CFAP47: variants seen among roughly 807,000 people sequenced by gnomAD.
CFAP47 encodes the protein cilia and flagella associated protein 47.
CFAP47 carries 29 observed loss-of-function variants against 148.1 expected under a neutral mutation model. The observed-to-expected ratio is 0.20, with a 90% CI of 0.15 to 0.27. CFAP47 has a LOEUF of 0.27. CFAP47 is among the 10% of genes least tolerant of loss of function. The pLI, the probability that CFAP47 is intolerant of heterozygous loss-of-function variation, is 1.00. For missense variants in CFAP47, 1,872 were observed against 1,697.5 expected (o/e 1.10, Z -1.81); for synonymous variants, 664 against 577.3 (o/e 1.15, Z -2.15).
rs760877429 is a variant in CFAP47, at chrX:35,951,182, G to A, written c.708G>A (p.Val236=). The A allele has an allele frequency of 4.0e-5, 48 of 1,209,399 alleles. No homozygotes were observed. Among genetic ancestry groups the A allele is most frequent in the Non-Finnish European group, 5.3e-5 (47 of 894,675 alleles). The change falls in exon 5 of 64, where the codon GTG becomes GTA. Residue 236 remains valine, a synonymous_variant. Transcript: ENST00000378653. ...PEMLLSIKAH[V]VEQIIELLSM... The stretch of plus-strand genomic sequence containing the variant: ...TGCTCTTGAGTATCAAAGCTCATGT[G>A]GTTGAGCAGATTATTGAATTATTAA...
At chrX:36,261,905 G>T (rs1031132361) in intron 49 of CFAP47, among the ~76,000 whole-genome samples, 7 of 111,317 alleles carry the variant, frequency 6.3e-5, no homozygotes, top group African/African-American at 2.3e-4. Flanking sequence ...GGGCGGCCGG[G>T]CAGAGGCGCC....
intron 51 of CFAP47, among the ~76,000 whole-genome samples, chrX:36,290,214 T>C (rs1320424627): frequency 4.5e-5 from 5 of 112,141 alleles, no homozygotes; most frequent in African/African-American, 6.5e-5. Context: ...ATAAGAATTT[T>C]CAACAAACAA....
At chrX:36,295,037 G>T (rs1941229111) in intron 51 of CFAP47, among the ~76,000 whole-genome samples, 1 of 111,797 alleles carries the variant, frequency 8.9e-6, no homozygotes, top group African/African-American at 3.2e-5. Context: ...TCTGAGAAAT[G>T]GAAGCAATTT....
intron 48 of CFAP47, among the ~76,000 whole-genome samples, chrX:36,250,243 G>A (rs1940674805): frequency 9.0e-6 from 1 of 111,396 alleles, no homozygotes; most frequent in African/African-American, 3.2e-5. Flanking sequence ...AAAACAGAAG[G>A]AAATCCTGTC....
At chrX:35,946,963 AACC>A (rs1936093089) in intron 3 of CFAP47, among the ~76,000 whole-genome samples, 1 of 111,763 alleles carries the variant, frequency 8.9e-6, no homozygotes, top group Non-Finnish European at 1.9e-5. Context: ...ATAAATTATG[AACC>A]ATTTCTGCTT....
chrX:35,950,540 T>TTTG (rs756446141), intron 4 of CFAP47, among the ~76,000 whole-genome samples: 1 of 110,267 alleles, frequency 9.1e-6, no homozygotes, highest in African/African-American at 3.3e-5. Flanking sequence ...TATTTAAATT[T>TTTG]TTGTTGTTGT....
intron 29 of CFAP47, among the ~76,000 whole-genome samples, chrX:36,078,344 CTT>C (rs1403985619): frequency 9.0e-6 from 1 of 110,904 alleles, no homozygotes; most frequent in African/African-American, 3.3e-5. Context: ...GTCTAAGTCT[CTT>C]TGTAGGTCTC....
At chrX:36,227,742 A>C (rs1215481671) in intron 45 of CFAP47, among the ~76,000 whole-genome samples, 1 of 112,293 alleles carries the variant, frequency 8.9e-6, no homozygotes, top group Non-Finnish European at 1.9e-5. Context: ...ATTAGGCGTC[A>C]GATGTTTTTA....
intron 35 of CFAP47, chrX:36,144,670 C>A: frequency 9.7e-7 from 1 of 1,027,534 alleles, no homozygotes; most frequent in African/African-American, 1.9e-5. Flanking sequence ...GTGGCAGTGG[C>A]CAGAACAAAG....
At chrX:36,143,073 C>T (rs1173511983) in intron 35 of CFAP47, among the ~76,000 whole-genome samples, 8 of 111,891 alleles carry the variant, frequency 7.1e-5, no homozygotes, top group Admixed American at 9.5e-5. Context: ...TATTTACTAA[C>T]GTCGTCTTTA....
intron 4 of CFAP47, among the ~76,000 whole-genome samples, chrX:35,948,767 G>A (rs1372020725): frequency 9.2e-5 from 10 of 108,393 alleles, no homozygotes. Flanking sequence ...GCCAGGCAAA[G>A]AGCAGTGATG....
chrX:36,118,026 C>A (rs1158846191), intron 33 of CFAP47, among the ~76,000 whole-genome samples: 2 of 111,696 alleles, frequency 1.8e-5, no homozygotes, highest in African/African-American at 6.5e-5. Flanking sequence ...CTTCTTAACA[C>A]CTTTCTCAAA....
At chrX:36,229,825 T>G (rs1426035146) in intron 46 of CFAP47, among the ~76,000 whole-genome samples, 13 of 94,570 alleles carry the variant, frequency 1.4e-4, no homozygotes, top group South Asian at 6.1e-4. Context: ...GTGTTCTCAT[T>G]GTTCAATTCC....
intron 45 of CFAP47, among the ~76,000 whole-genome samples, chrX:36,208,833 G>A (rs1940068875): frequency 9.1e-6 from 1 of 110,409 alleles, no homozygotes; most frequent in African/African-American, 3.3e-5. Context: ...TGGCATGGTG[G>A]CGGGTGCCTG....
rs1310145101 is a variant in CFAP47 at position 36,211,522 on chromosome X, C to T, written c.6817+6412C>T. ...CTGGGAGGAATGTGGAATAACACTG[C>T]TGCAGATGAAAAGCAGCCTCATGAA... On this transcript the variant is annotated intron_variant, in intron 45 of 63. Coordinates refer to ENST00000378653, the MANE Select transcript of CFAP47 (RefSeq NM_001304548.2). 4.3e-5 allele frequency: 13 copies of T among 304,796 alleles called. No homozygotes were observed. In the East Asian group the frequency reaches 9.4e-4, roughly 22 times the overall value. The allele number at this position is 304,796 out of a possible 1,213,427, so 25.1% of individuals were successfully genotyped here.
Position 36,278,912 on chromosome X carries a change from A to G in CFAP47, c.7445-1575A>G, listed in dbSNP as rs146779139. Among the ~76,000 whole-genome samples, 871 of 112,063 alleles carry G rather than the reference A, an allele frequency of 7.8e-3. 3 individuals carry two copies. The highest frequency in any genetic ancestry group is 0.013 in the Non-Finnish European group (696 of 53,226). The stretch of plus-strand genomic sequence containing the variant: ...TAATGGCTGTCATATTGTACAGGAC[A>G]TGTCTAAAGTTACAACTTTCAGGAC... On this transcript the variant is annotated intron_variant, in intron 49 of 63. Transcript: ENST00000378653.
At chrX:36,272,265 A>G (rs1348237904) in intron 49 of CFAP47, among the ~76,000 whole-genome samples, 6 of 112,299 alleles carry the variant, frequency 5.3e-5, no homozygotes, top group African/African-American at 1.9e-4. Context: ...AATTAAAGCA[A>G]GAGGTAGAAG....
At chrX:35,953,844 C>T in intron 7 of CFAP47, 125 bp downstream of exon 7, 1 of 469,868 alleles carries the variant, frequency 2.1e-6, no homozygotes, top group Non-Finnish European at 3.3e-6. Context: ...AAAAAGCAAA[C>T]ATGTTCAAGA....
intron 36 of CFAP47, among the ~76,000 whole-genome samples, chrX:36,147,334 T>C (rs1444497835): frequency 8.9e-6 from 1 of 111,764 alleles, no homozygotes; most frequent in Non-Finnish European, 1.9e-5. Context: ...AATCCTGGAG[T>C]TGGGTGGTAT....
Sources: allele counts gnomAD v4.1 joint callset (sites outside exome capture counted in the v4.1 genomes callset), GRCh38; gene constraint gnomAD v4.1.1; transcripts MANE v1.5; gene names NCBI Gene and HGNC (gene_info 2026-07-23, HGNC 2026-07-21).